SORBS2: variants seen among roughly 807,000 people sequenced by gnomAD.
The protein encoded by SORBS2 is sorbin and SH3 domain containing 2.
A neutral mutation model predicts 97.7 loss-of-function variants in SORBS2; 46 were observed. The ratio of observed to expected loss-of-function variants is 0.47; its 90% confidence interval spans 0.37 to 0.60. The LOEUF is 0.60. Among genes scored for constraint, SORBS2 ranks in the 20% least tolerant of loss-of-function variants. The pLI is 0.00. For synonymous variants in SORBS2, 476 were observed against 473.4 expected (o/e 1.01, Z -0.07); for missense variants, 1,316 against 1,282.3 (o/e 1.03, Z -0.40).
At position 185,907,876 on chromosome 4, in the gene SORBS2, T is replaced by C. The variant is rs574808634; in HGVS notation, c.-338+48320A>G. Among the ~76,000 whole-genome samples, 3 of 151,998 alleles carry C rather than the reference T, an allele frequency of 2.0e-5. No homozygotes were observed. The East Asian group carries it at 5.8e-4, about 29-fold the overall frequency. ...TTTAAAGATTCATTAGACCTATGCT[T>C]TGTCTTGGTAAACATAACCATATAC... On this transcript the variant is annotated intron_variant, in intron 1 of 20. Coordinates refer to the SORBS2 transcript ENST00000284776.
intron 1 of SORBS2, among the ~76,000 whole-genome samples, chr4:185,926,385 G>A (rs569474567): frequency 6.6e-6 from 1 of 152,166 alleles, no homozygotes; most frequent in Non-Finnish European, 1.5e-5. Context: ...AGACTATGGG[G>A]CTGTATTAGG....
At chr4:185,781,520 CCCGCCTCTCCAGCCTCCCTTCCAT>C in intron 1 of SORBS2, among the ~76,000 whole-genome samples, 1 of 152,076 alleles carries the variant, frequency 6.6e-6, no homozygotes, top group South Asian at 2.1e-4. Flanking sequence ...TCCATTGCCT[CCCGCCTCTCCAGCCTCCCTTCCAT>C]TGCCTCCAGC....
Position 185,598,269 on chromosome 4 carries a change from C to T in SORBS2, c.2797-4334G>A, listed in dbSNP as rs146758745. On this transcript the variant is annotated intron_variant, in intron 12 of 14. Transcript: ENST00000418609. ...CAGTGAAGCATGCTGCGGTTTTCAT[C>T]GTATCCTAAATATGTATTTTTTTCT... Among the ~76,000 whole-genome samples, 381 of 152,224 alleles carry T rather than the reference C, an allele frequency of 2.5e-3. 2 individuals are homozygous for T. Among genetic ancestry groups the T allele is most frequent in the African/African-American group, 8.8e-3 (364 of 41,502 alleles).
At chr4:185,885,052 A>G (rs1007457521) in intron 1 of SORBS2, among the ~76,000 whole-genome samples, 18 of 152,296 alleles carry the variant, frequency 1.2e-4, no homozygotes, top group African/African-American at 4.3e-4. Flanking sequence ...GAGCAACAAG[A>G]AGAAAAAAAA....
At chr4:185,912,018 G>T (rs4241812) in intron 1 of SORBS2, among the ~76,000 whole-genome samples, 1 of 151,988 alleles carries the variant, frequency 6.6e-6, no homozygotes, top group East Asian at 1.9e-4. Flanking sequence ...CAATTGAAAA[G>T]TGACTCAGAA....
chr4:185,600,792 T>C (rs567137876), intron 12 of SORBS2, among the ~76,000 whole-genome samples: 1 of 151,510 alleles, frequency 6.6e-6, no homozygotes, highest in Admixed American at 6.5e-5. Context: ...TATCAGACAT[T>C]TGTTGGAGGC....
intron 2 of SORBS2, among the ~76,000 whole-genome samples, chr4:185,770,071 G>T (rs2098960976): frequency 7.3e-6 from 1 of 136,154 alleles, no homozygotes; most frequent in Non-Finnish European, 1.5e-5. Context: ...GAGGCATTCT[G>T]CCGGATGGCA....
Position 185,636,085 on chromosome 4 carries a change from C to T in SORBS2, c.397-5487G>A, listed in dbSNP as rs560942134. Among the ~76,000 whole-genome samples the T allele has an allele frequency of 5.3e-5, 8 of 152,268 alleles. No homozygotes were observed. In the South Asian group the frequency reaches 8.3e-4, roughly 16 times the overall value. ...TGTTGGCCAGGCTGGTCTCGAACCC[C>T]TGACCTCAAGTGTTCCGTCTGCCTC... On this transcript the variant is annotated intron_variant, in intron 4 of 14. Transcript: ENST00000418609.
chr4:185,636,295 G>A (rs958562110), intron 4 of SORBS2, among the ~76,000 whole-genome samples: 4 of 152,162 alleles, frequency 2.6e-5, no homozygotes, highest in African/African-American at 9.7e-5. Context: ...TTCCTCCTAT[G>A]AGATAATAAC....
chr4:185,789,400 A>G (rs956520792), intron 1 of SORBS2, among the ~76,000 whole-genome samples: 1 of 152,042 alleles, frequency 6.6e-6, no homozygotes, highest in African/African-American at 2.4e-5. Flanking sequence ...TCTATGCAAT[A>G]ATTATTCAAA....
exon 7 of SORBS2, chr4:185,624,429 T>C: frequency 6.2e-7 from 1 of 1,614,058 alleles, no homozygotes; most frequent in South Asian, 1.1e-5. Flanking sequence ...TCTAACTCAC[T>C]GGAGGGGTTG....
At chr4:185,682,823 C>T (rs1464820341) in intron 2 of SORBS2, among the ~76,000 whole-genome samples, 1 of 151,676 alleles carries the variant, frequency 6.6e-6, no homozygotes, top group African/African-American at 2.4e-5. Context: ...CCAGCCTGGC[C>T]AACATGGTGA....
chr4:185,721,030 C>G (rs1182043114), intron 2 of SORBS2, among the ~76,000 whole-genome samples: 1 of 149,838 alleles, frequency 6.7e-6, no homozygotes, highest in Non-Finnish European at 1.5e-5. Context: ...GTGAGACAAT[C>G]TACCACAAAG....
intron 12 of SORBS2, among the ~76,000 whole-genome samples, chr4:185,594,168 A>G (rs1257566358): frequency 2.6e-5 from 4 of 152,206 alleles, no homozygotes; most frequent in Non-Finnish European, 5.9e-5. Context: ...CATGTCTACA[A>G]TCTAGTCTGC....
intron 12 of SORBS2, among the ~76,000 whole-genome samples, chr4:185,604,208 C>T (rs2096351145): frequency 6.6e-6 from 1 of 152,264 alleles, no homozygotes; most frequent in African/African-American, 2.4e-5. Context: ...GAGGCCACGC[C>T]CATGATGTTA....
At chr4:185,888,323 T>C (rs6825889) in intron 1 of SORBS2, among the ~76,000 whole-genome samples, 41,746 of 151,402 alleles carry the variant, frequency 0.28, 5,993 homozygotes, top group East Asian at 0.54. Context: ...AAACGAGGGG[T>C]GGTGGGGGGT....
At chr4:185,663,080 C>T (rs1030908180) in intron 4 of SORBS2, among the ~76,000 whole-genome samples, 2 of 152,128 alleles carry the variant, frequency 1.3e-5, no homozygotes, top group African/African-American at 4.8e-5. Context: ...TCACAGATAT[C>T]GAGCTCAGGA....
intron 2 of SORBS2, among the ~76,000 whole-genome samples, chr4:185,754,577 C>G (rs1240606923): frequency 6.6e-6 from 1 of 152,222 alleles, no homozygotes; most frequent in Non-Finnish European, 1.5e-5. Context: ...ATTATAGAGT[C>G]TGCTAGCTCT....
chr4:185,866,906 C>T (rs1255727596), intron 1 of SORBS2, among the ~76,000 whole-genome samples: 1 of 134,678 alleles, frequency 7.4e-6, no homozygotes, highest in Non-Finnish European at 1.6e-5. Context: ...AAAGGCAGGA[C>T]TCTGAGTTAT....
Sources: gnomAD v4.1 joint callset for allele counts (sites outside exome capture counted in the v4.1 genomes callset) on GRCh38, gnomAD v4.1.1 for gene constraint, MANE v1.5 for transcripts, NCBI Gene and HGNC (gene_info 2026-07-23, HGNC 2026-07-21) for gene names.